SBNO2: variants seen among roughly 807,000 people sequenced by gnomAD.
The protein encoded by SBNO2 is protein strawberry notch homolog 2.
Under a neutral mutation model 146.3 loss-of-function variants are expected in SBNO2, and 89 were observed. The ratio of observed to expected loss-of-function variants is 0.61; its 90% CI spans 0.51 to 0.73. The LOEUF is 0.73. SBNO2 is among the 30% of genes least tolerant of loss of function. SBNO2 has a pLI of 0.00. For synonymous variants in SBNO2, 1,147 were observed against 892.6 expected, an observed-to-expected ratio of 1.29 and a Z score of -5.08; for missense variants, 2,092 against 2,003.7, an observed-to-expected ratio of 1.04 and a Z score of -0.84.
intron 17 of SBNO2, among the ~76,000 whole-genome samples, chr19:1,114,882 C>G (rs1472101426): frequency 6.6e-6 from 1 of 151,938 alleles, no homozygotes; most frequent in Non-Finnish European, 1.5e-5. Flanking sequence ...ATCCACCTGC[C>G]TCAGCCTCCC....
At position 1,109,843 on chromosome 19, in the gene SBNO2, TC is replaced by T. The variant is rs1435523725; in HGVS notation, c.3029-67del. On this transcript the variant is annotated intron_variant, in intron 26 of 31. Transcript: ENST00000361757. The surrounding 1 kb of genome is among the most constrained non-coding windows in gnomAD (Gnocchi z 4.2). ...GACTGTGGGCTGGGGCCAGGGTCAG[TC>T]CCGTAGCCGGGGCGCACCCTAGAGA... 9 of 1,266,474 alleles carry T rather than the reference TC, an allele frequency of 7.1e-6. No homozygotes were observed. The highest frequency in any genetic ancestry group is 1.5e-5 in the African/African-American group (1 of 67,040). The allele number at this position is 1,266,474 out of a possible 1,614,324, so 78.5% of individuals were successfully genotyped here. A position where few individuals can be genotyped will look rare whatever the true frequency, so the allele number is the denominator to read the frequency against.
chr19:1,169,641 G>C (rs2080459071), intron 1 of SBNO2, among the ~76,000 whole-genome samples: 1 of 151,896 alleles, frequency 6.6e-6, no homozygotes, highest in Non-Finnish European at 1.5e-5. Flanking sequence ...AGACAGGACA[G>C]CTGCCCATCA....
intron 17 of SBNO2, chr19:1,115,648 C>A (rs2079821773): frequency 9.1e-6 from 3 of 329,760 alleles, no homozygotes; most frequent in Non-Finnish European, 1.7e-5. Context: ...CGACAGGCAG[C>A]TCTGGGCTTC....
chr19:1,111,679 C>T, intron 23 of SBNO2, 65 bp from the exon 24 acceptor site: 6 of 1,283,740 alleles, frequency 4.7e-6, no homozygotes, highest in South Asian at 3.8e-5. Flanking sequence ...TGGACCCCTG[C>T]CTCCCCAGAA....
chr19:1,168,714 C>A (rs2080449430), intron 1 of SBNO2: 1 of 152,288 alleles, frequency 6.6e-6, no homozygotes, highest in Non-Finnish European at 1.5e-5. Context: ...AAGGAAGACG[C>A]CTCCTCACTC....
intron 3 of SBNO2, among the ~76,000 whole-genome samples, chr19:1,147,754 G>A (rs917213630): frequency 3.9e-5 from 6 of 152,054 alleles, no homozygotes; most frequent in Non-Finnish European, 8.8e-5. Flanking sequence ...TGGCGATTCA[G>A]AACCCCAGCC....
Position 1,108,053 on chromosome 19 carries a change from C to T in SBNO2, c.*167G>A, listed in dbSNP as rs1599815238. On this transcript the variant is annotated 3_prime_UTR_variant, in exon 32 of 32. Coordinates refer to ENST00000361757, the MANE Select transcript of SBNO2 (RefSeq NM_014963.3). Reference sequence around the variant, plus strand: ...GCCCCCAGCTGTCCTGAGTGGGCCCCGCCAGGGCTGACCAGGTGGGGGCCC... The same window carrying T: ...GCCCCCAGCTGTCCTGAGTGGGCCCTGCCAGGGCTGACCAGGTGGGGGCCC... 8 of 707,448 alleles carry T rather than the reference C, an allele frequency of 1.1e-5. No individual in the cohort carries two copies. Among genetic ancestry groups the T allele is most frequent in the Non-Finnish European group, 1.6e-5 (8 of 485,058 alleles). The allele number at this position is 707,448 out of a possible 1,614,324, so 43.8% of individuals were successfully genotyped here.
intron 17 of SBNO2, 192 bp downstream of exon 17, chr19:1,115,829 C>G: frequency 1.6e-6 from 1 of 624,678 alleles, no homozygotes; most frequent in South Asian, 1.8e-5. Context: ...TTCCTCTTCC[C>G]TAAGCGTTCC....
intron 9 of SBNO2, 48 bp downstream of exon 9, chr19:1,122,610 T>TTCCCCCCCCCCCC: frequency 1.4e-6 from 1 of 694,606 alleles, no homozygotes; most frequent in Admixed American, 3.6e-5. Context: ...GCCCCCCGCT[T>TTCCCCCCCCCCCC]CCGCCCCCCA....
intron 4 of SBNO2, among the ~76,000 whole-genome samples, chr19:1,133,032 G>C (rs549994959): frequency 6.6e-6 from 1 of 152,188 alleles, no homozygotes; most frequent in Admixed American, 6.5e-5. Context: ...GCATCACAGG[G>C]GCCTAGACAC....
chr19:1,129,398 G>GCA (rs1436597552), intron 4 of SBNO2, among the ~76,000 whole-genome samples: 1 of 151,996 alleles, frequency 6.6e-6, no homozygotes, highest in African/African-American at 2.4e-5. Context: ...AAGCACCTGG[G>GCA]CACTGATCAC....
At chr19:1,155,890 T>C (rs1458195862) in intron 1 of SBNO2, among the ~76,000 whole-genome samples, 1 of 152,170 alleles carries the variant, frequency 6.6e-6, no homozygotes, top group African/African-American at 2.4e-5. Flanking sequence ...CCTCAGCTCC[T>C]GTCAGCACCC....
At chr19:1,163,931 C>T (rs1262238475) in intron 1 of SBNO2, among the ~76,000 whole-genome samples, 2 of 152,200 alleles carry the variant, frequency 1.3e-5, no homozygotes, top group Non-Finnish European at 2.9e-5. Flanking sequence ...ACCCCAGGAG[C>T]CCACGTGCTT....
At chr19:1,127,491 G>A in intron 5 of SBNO2, 113 bp downstream of exon 5, 1 of 1,017,564 alleles carries the variant, frequency 9.8e-7, no homozygotes, top group Non-Finnish European at 1.5e-6. Context: ...GACAGGCACA[G>A]CCATTGGCAC....
rs921762690 is a variant in SBNO2 at position 1,112,690 on chromosome 19, C to A, written c.2379+128G>T. On this transcript the variant is annotated intron_variant, in intron 20 of 31. Coordinates refer to ENST00000361757, the MANE Select transcript of SBNO2 (RefSeq NM_014963.3). This position sits in a 1 kb window ranked among gnomAD's most constrained non-coding sequence, Gnocchi z 5.9. ...GGCGCGGACACCACCCGCCACACGG[C>A]CACTCGCGCCCGCACCTGGCACACA... 4.2e-6 allele frequency: 6 copies of A among 1,436,820 alleles called. No homozygotes were observed. In the Admixed American group the frequency reaches 7.4e-5, roughly 18 times the overall value. 89.0% of individuals were successfully genotyped at this position (1,436,820 alleles called of 1,614,324 possible). A position where few individuals can be genotyped will look rare whatever the true frequency, so the allele number is the denominator to read the frequency against.
At chr19:1,153,895 C>G (rs536900530) in intron 2 of SBNO2, among the ~76,000 whole-genome samples, 82 of 152,328 alleles carry the variant, frequency 5.4e-4, no homozygotes, top group Non-Finnish European at 9.7e-4. Flanking sequence ...TTGAGCCCCC[C>G]CTACAGCTGA....
intron 4 of SBNO2, among the ~76,000 whole-genome samples, chr19:1,141,364 G>A (rs2080135723): frequency 6.6e-6 from 1 of 151,918 alleles, no homozygotes; most frequent in Non-Finnish European, 1.5e-5. Flanking sequence ...ACAGGTGCCC[G>A]CCACCATGCT....
At chr19:1,128,478 T>C (rs2079992848) in intron 4 of SBNO2, among the ~76,000 whole-genome samples, 1 of 151,508 alleles carries the variant, frequency 6.6e-6, no homozygotes, top group African/African-American at 2.4e-5. Flanking sequence ...CTGCACCCTC[T>C]GCCTCCCAGG....
At chr19:1,122,307 G>C in intron 10 of SBNO2, 25 bp from the exon 11 acceptor site, 2 of 1,542,880 alleles carry the variant, frequency 1.3e-6, no homozygotes, top group Non-Finnish European at 1.8e-6. Context: ...AACAGGTGTG[G>C]AATGGGGCCC....
Sources: gnomAD v4.1 joint callset for allele counts (sites outside exome capture counted in the v4.1 genomes callset) on GRCh38, gnomAD v4.1.1 for gene constraint, Gnocchi (gnomAD v3.1) non-coding constraint, MANE v1.5 for transcripts, NCBI Gene and HGNC (gene_info 2026-07-23, HGNC 2026-07-21) for gene names.